COP1: variants seen among roughly 807,000 people sequenced by gnomAD.
The protein encoded by COP1 is E3 ubiquitin-protein ligase COP1.
Under a neutral mutation model 101.3 loss-of-function variants are expected in COP1, and 24 were observed. The observed-to-expected ratio is 0.24, with a 90% CI of 0.17 to 0.33. The LOEUF (loss-of-function observed/expected upper bound fraction) is 0.33. Among genes scored for constraint, COP1 ranks in the 10% least tolerant of loss-of-function variants. COP1 has a pLI of 1.00. For synonymous variants in COP1, 347 were observed against 341.9 expected, an observed-to-expected ratio of 1.01 and a Z score of -0.17; for missense variants, 663 against 906.2, an observed-to-expected ratio of 0.73 and a Z score of 3.45.
chr1:176,151,994 C>T (rs1692684072), intron 5 of COP1, among the ~76,000 whole-genome samples: 2 of 149,686 alleles, frequency 1.3e-5, no homozygotes, highest in Admixed American at 1.3e-4. Context: ...AGCAGAATGG[C>T]ATACGCAAGT....
intron 14 of COP1, among the ~76,000 whole-genome samples, chr1:176,039,032 A>G (rs1670063924): frequency 6.6e-6 from 1 of 152,194 alleles, no homozygotes; most frequent in Non-Finnish European, 1.5e-5. Flanking sequence ...CATTATTCTC[A>G]GGCTCATATG....
chr1:176,114,012 A>T (rs1685749394), intron 9 of COP1, among the ~76,000 whole-genome samples: 1 of 148,524 alleles, frequency 6.7e-6, no homozygotes, highest in South Asian at 2.1e-4. Context: ...AACTTTATGG[A>T]GTGATCTTGC....
chr1:176,004,739 C>T (rs191805012), intron 15 of COP1, among the ~76,000 whole-genome samples: 4 of 148,056 alleles, frequency 2.7e-5, no homozygotes, highest in African/African-American at 7.3e-5. Flanking sequence ...TGATGTGCTG[C>T]GGGATTCGTT....
chr1:176,011,762 A>G (rs1664718459), intron 15 of COP1, among the ~76,000 whole-genome samples: 1 of 152,230 alleles, frequency 6.6e-6, no homozygotes, highest in Admixed American at 6.5e-5. Context: ...GCAGTGCCAT[A>G]AGATTATAAT....
rs548845162 is a variant in COP1, at chr1:176,183,762, T to C, written c.467+871A>G. 3.3e-5 allele frequency among the ~76,000 whole-genome samples: 5 copies of C among 152,324 alleles called. No individual in the cohort carries two copies. In the South Asian group the frequency reaches 1.0e-3, roughly 32 times the overall value. ...GTAGTATATATATACAATGGAGTAT[T>C]ATTCAGCCTTACAAAGCAAAGAAAT... is the stretch of plus-strand genomic sequence containing the variant. On this transcript the variant is annotated intron_variant, in intron 2 of 19. Transcript: ENST00000367669.
chr1:176,192,633 T>C (rs1440342471), intron 1 of COP1, among the ~76,000 whole-genome samples: 1 of 151,862 alleles, frequency 6.6e-6, no homozygotes, highest in East Asian at 1.9e-4. Flanking sequence ...TTCAGAAGAG[T>C]ACCCAATCAC....
chr1:175,969,707 T>C (rs1304814756), intron 18 of COP1, among the ~76,000 whole-genome samples: 2 of 152,150 alleles, frequency 1.3e-5, no homozygotes, highest in African/African-American at 4.8e-5. Flanking sequence ...GAGGTCTCCG[T>C]CATGAATCAA....
chr1:176,195,868 A>G (rs1205362723), intron 1 of COP1, among the ~76,000 whole-genome samples: 3 of 152,236 alleles, frequency 2.0e-5, no homozygotes, highest in African/African-American at 7.2e-5. Flanking sequence ...GGAACAAGAA[A>G]CACTGAGGAT....
chr1:176,181,635 G>A (rs1465765138), intron 2 of COP1, among the ~76,000 whole-genome samples: 2 of 152,052 alleles, frequency 1.3e-5, no homozygotes, highest in African/African-American at 2.4e-5. Flanking sequence ...AAGGTCACGA[G>A]ATCGAGACCA....
intron 9 of COP1, among the ~76,000 whole-genome samples, chr1:176,087,061 G>C (rs1680327334): frequency 1.3e-5 from 2 of 152,184 alleles, no homozygotes; most frequent in Non-Finnish European, 2.9e-5. Context: ...GCCATATGTA[G>C]AAAGCTGAAA....
intron 11 of COP1, among the ~76,000 whole-genome samples, chr1:176,053,759 C>G (rs1672972937): frequency 6.6e-6 from 1 of 152,210 alleles, no homozygotes; most frequent in Admixed American, 6.5e-5. Context: ...ACCCACTGCT[C>G]CTCACTCTGT....
chr1:176,060,750 G>C (rs1674697232), intron 11 of COP1, among the ~76,000 whole-genome samples: 1 of 152,092 alleles, frequency 6.6e-6, no homozygotes, highest in Non-Finnish European at 1.5e-5. Flanking sequence ...AAAATTTACA[G>C]TTTAGAAGAA....
At chr1:175,967,504 C>G (rs1442924266) in intron 18 of COP1, among the ~76,000 whole-genome samples, 1 of 151,056 alleles carries the variant, frequency 6.6e-6, no homozygotes, top group Non-Finnish European at 1.5e-5. Context: ...AACAAACAAA[C>G]AAACAAACAA....
At chr1:176,005,728 A>G (rs1663000070) in intron 15 of COP1, among the ~76,000 whole-genome samples, 1 of 133,506 alleles carries the variant, frequency 7.5e-6, no homozygotes, top group African/African-American at 2.6e-5. Context: ...AGTTTGTTAT[A>G]ATCTCTGTTC....
chr1:175,990,019 T>C (rs186791168), intron 15 of COP1, among the ~76,000 whole-genome samples: 4 of 152,066 alleles, frequency 2.6e-5, no homozygotes, highest in Admixed American at 2.6e-4. Context: ...CTCTAACCTT[T>C]ATTATTTCCT....
intron 15 of COP1, among the ~76,000 whole-genome samples, chr1:176,006,474 C>T (rs1306643232): frequency 1.3e-5 from 2 of 152,184 alleles, no homozygotes; most frequent in Non-Finnish European, 2.9e-5. Context: ...CATGATTTTG[C>T]AGTGGCTGGT....
At chr1:175,975,250 T>C (rs559011554) in intron 18 of COP1, among the ~76,000 whole-genome samples, 13 of 152,228 alleles carry the variant, frequency 8.5e-5, no homozygotes, top group Non-Finnish European at 1.8e-4. Context: ...AACAATTTAC[T>C]AATATTATCC....
chr1:176,114,117 A>G (rs1185567057), intron 9 of COP1, among the ~76,000 whole-genome samples: 2 of 152,160 alleles, frequency 1.3e-5, no homozygotes, highest in Admixed American at 1.3e-4. Context: ...ATGGCTAGCT[A>G]TAAATGCCAA....
At position 176,155,509 on chromosome 1, in the gene COP1, T is replaced by C. The variant is rs1383318397; in HGVS notation, c.763-6435A>G. 5.9e-5 allele frequency among the ~76,000 whole-genome samples: 9 copies of C among 151,870 alleles called. No individual in the cohort carries two copies. The East Asian group carries it at 1.4e-3, about 23-fold the overall frequency. ...GAAGTCTGTAAGATAATATGAAACATTATAACAACATATGACTAGAAACCT... is the reference window on the plus strand; with the variant it reads ...GAAGTCTGTAAGATAATATGAAACACTATAACAACATATGACTAGAAACCT... On this transcript the variant is annotated intron_variant, in intron 5 of 19. Transcript: ENST00000367669.
Sources: allele counts gnomAD v4.1 joint callset (sites outside exome capture counted in the v4.1 genomes callset), GRCh38; gene constraint gnomAD v4.1.1; transcripts MANE v1.5; gene names NCBI Gene and HGNC (gene_info 2026-07-23, HGNC 2026-07-21).